The following KIAA0319 variants were observed in gnomAD, a reference collection of about 807,000 sequenced individuals.
The protein encoded by KIAA0319 is dyslexia-associated protein KIAA0319.
In KIAA0319, 83 loss-of-function variants were observed where a neutral mutation model predicts 108.4. The observed-to-expected ratio is 0.77, with a 90% CI of 0.64 to 0.92. KIAA0319 has a LOEUF of 0.92. Ranked by LOEUF, KIAA0319 falls within the 40% of genes least tolerant of loss-of-function variation. KIAA0319 has a pLI of 0.00. For synonymous variants in KIAA0319, 484 were observed against 510.4 expected, an observed-to-expected ratio of 0.95 and a Z score of 0.70; for missense variants, 1,195 against 1,322.4, an observed-to-expected ratio of 0.90 and a Z score of 1.49.
chr6:24,608,534 A>G (rs1360289833), intron 1 of KIAA0319, among the ~76,000 whole-genome samples: 1 of 152,216 alleles, frequency 6.6e-6, no homozygotes, highest in Non-Finnish European at 1.5e-5. Flanking sequence ...ATTTTTAAAA[A>G]TCATTAAAAG....
In KIAA0319 at chr6:24,579,923, G is replaced by A. The variant is rs1177307245; in HGVS notation, c.1307C>T (p.Ala436Val). 1 of 1,597,716 alleles carries A rather than the reference G, an allele frequency of 6.3e-7. No individual in the cohort carries two copies. The highest frequency in any genetic ancestry group is 1.7e-5 in the Admixed American group (1 of 58,286). Residue 436 changes from alanine to valine, a missense_variant, in exon 8 of 21, where the codon GCA becomes GTA. Transcript: ENST00000378214. ...CTCTTGCAGTTGGGGAGAAACAACT[G>A]CTACAGGTGGCAGGTTGACTCTTCT... The part of the protein sequence containing the change: ...PARRVNLPPV[A>V]VVSPQLQELT...
downstream of KIAA0319, among the ~76,000 whole-genome samples, chr6:24,542,122 C>T (rs1561885653): frequency 6.6e-6 from 1 of 152,132 alleles, no homozygotes; most frequent in Non-Finnish European, 1.5e-5. Flanking sequence ...GCCTGAGCAA[C>T]AGAGCAAGAC....
In KIAA0319 at chr6:24,599,467, A is replaced by G; in HGVS notation, c.55+1582T>C. ...ATGCAGGACATGGCATGGCAGCTGCATGAGTACCAGGAGCTGATGATCATC... is the reference window on the plus strand; with the variant it reads ...ATGCAGGACATGGCATGGCAGCTGCGTGAGTACCAGGAGCTGATGATCATC... On this transcript the variant is annotated intron_variant, in intron 2 of 20. Coordinates refer to ENST00000378214, the MANE Select transcript of KIAA0319 (RefSeq NM_014809.4). The surrounding 1 kb of genome is among the most constrained non-coding windows in gnomAD (Gnocchi z 4.1). The G allele has an allele frequency of 1.8e-6, 1 of 556,662 alleles. No homozygotes were observed. Among genetic ancestry groups the G allele is most frequent in the Non-Finnish European group, 3.5e-6 (1 of 289,770 alleles). The allele number at this position is 556,662 out of a possible 1,614,324, so 34.5% of individuals were successfully genotyped here.
At chr6:24,552,773 T>G (rs1380826856) in intron 19 of KIAA0319, among the ~76,000 whole-genome samples, 1 of 152,146 alleles carries the variant, frequency 6.6e-6, no homozygotes, top group Non-Finnish European at 1.5e-5. Flanking sequence ...GCCCAGCTAA[T>G]TTTGTATTTT....
intron 1 of KIAA0319, among the ~76,000 whole-genome samples, chr6:24,628,051 A>T (rs907647425): frequency 6.6e-6 from 1 of 152,204 alleles, no homozygotes; most frequent in Admixed American, 6.5e-5. Flanking sequence ...TCCAGGTTTT[A>T]TATTATTTCA....
Position 24,595,546 on chromosome 6 carries a change from C to CAAAAAA in KIAA0319, c.801+321_801+326dup, listed in dbSNP as rs60291863. Among the ~76,000 whole-genome samples, 112 of 43,210 alleles carry CAAAAAA rather than the reference C, an allele frequency of 2.6e-3. 7 individuals carry two copies. Among genetic ancestry groups the CAAAAAA allele is most frequent in the African/African-American group, 3.8e-3 (44 of 11,660 alleles). 28.3% of individuals were successfully genotyped at this position (43,210 alleles called of 152,430 possible). Reference sequence around the variant, plus strand: ...TGGGCGACAGAGCGAGATTCAATCTCAAAAAAAAAAAAAAAAAAAAAAAAC... The same window carrying CAAAAAA: ...TGGGCGACAGAGCGAGATTCAATCTCAAAAAAAAAAAAAAAAAAAAAAAAAAAAAAC... On this transcript the variant is annotated intron_variant, in intron 3 of 20. Coordinates refer to ENST00000378214, the MANE Select transcript of KIAA0319 (RefSeq NM_014809.4).
At chr6:24,551,347 G>A (rs762691823) in intron 20 of KIAA0319, 87 bp downstream of exon 20, 17 of 881,080 alleles carry the variant, frequency 1.9e-5, no homozygotes, top group East Asian at 4.8e-5. Context: ...CCAGCAAATC[G>A]TTCTCCCTCT....
At chr6:24,635,968 T>C (rs1416852680) in intron 1 of KIAA0319, among the ~76,000 whole-genome samples, 3 of 152,188 alleles carry the variant, frequency 2.0e-5, no homozygotes, top group Admixed American at 6.6e-5. Flanking sequence ...CACTGCAGCC[T>C]AGAACGACTA....
At chr6:24,631,417 T>G (rs1775567998) in intron 1 of KIAA0319, among the ~76,000 whole-genome samples, 1 of 152,174 alleles carries the variant, frequency 6.6e-6, no homozygotes, top group African/African-American at 2.4e-5. Context: ...GAGCAATAGG[T>G]GGCATGTAGT....
In KIAA0319 at chr6:24,576,350, G is replaced by C. The variant is rs746888658; in HGVS notation, c.1734+18C>G. ...CAGACAGACAGACAAAAGTCTGAAGGCAGGATGGAGAACTTGCCTGCATGA... is the reference window on the plus strand; with the variant it reads ...CAGACAGACAGACAAAAGTCTGAAGCCAGGATGGAGAACTTGCCTGCATGA... On this transcript the variant is annotated intron_variant, in intron 10 of 20. Coordinates refer to ENST00000378214, the MANE Select transcript of KIAA0319 (RefSeq NM_014809.4). 1.3e-6 allele frequency: 2 copies of C among 1,598,854 alleles called. No homozygotes were observed. The highest frequency in any genetic ancestry group is 2.2e-5 in the South Asian group (2 of 90,784).
intron 1 of KIAA0319, among the ~76,000 whole-genome samples, chr6:24,619,719 T>C (rs1448666027): frequency 3.3e-5 from 5 of 152,176 alleles, no homozygotes; most frequent in Non-Finnish European, 7.3e-5. Context: ...GGAAATGGCC[T>C]ATTTTCAAAA....
At chr6:24,593,386 C>CTT (rs58826962) in intron 3 of KIAA0319, among the ~76,000 whole-genome samples, 477 of 79,340 alleles carry the variant, frequency 6.0e-3, no homozygotes, top group East Asian at 9.5e-3. Context: ...GAATAATTAT[C>CTT]TTTTTTTTTT....
chr6:24,597,744 C>T (rs1031469483), intron 2 of KIAA0319, among the ~76,000 whole-genome samples: 1 of 151,640 alleles, frequency 6.6e-6, no homozygotes, highest in African/African-American at 2.4e-5. Context: ...ACTGGTTAGC[C>T]TTTACAAAGG....
intron 1 of KIAA0319, among the ~76,000 whole-genome samples, chr6:24,605,735 G>T (rs940304192): frequency 6.6e-6 from 1 of 152,064 alleles, no homozygotes; most frequent in African/African-American, 2.4e-5. Flanking sequence ...GAAAACTGGT[G>T]AGAATAATAT....
intron 1 of KIAA0319, among the ~76,000 whole-genome samples, chr6:24,639,460 T>C (rs1479229372): frequency 1.3e-5 from 2 of 152,258 alleles, no homozygotes; most frequent in African/African-American, 4.8e-5. Context: ...AAGGTTCTTT[T>C]AAGATAAAGA....
rs772776096 is a variant in KIAA0319 at position 24,583,683 on chromosome 6, C to A, written c.1014G>T (p.Ser338=). 1 of 1,612,128 alleles carries A rather than the reference C, an allele frequency of 6.2e-7. No homozygotes were observed. Among genetic ancestry groups the A allele is most frequent in the Non-Finnish European group, 8.5e-7 (1 of 1,178,506 alleles). ...AAGTTATAATTAGGTTATCTCCAGC[C>A]GATACCGTAAGTTCTTTCACTAAAA... ...APRTVKELTV[S]AGDNLIITLP... The change falls in exon 5 of 21, where the codon TCG becomes TCT. Residue 338 remains serine (S), a synonymous_variant. Transcript: ENST00000378214.
At position 24,608,787 on chromosome 6, in the gene KIAA0319, C is replaced by T. The variant is rs184580775; in HGVS notation, c.-105-7579G>A. On this transcript the variant is annotated intron_variant, in intron 1 of 20. Transcript: ENST00000378214. ...CTACTAAAAATACAAAAAAATTAGT[C>T]GGGCATGGTGGCAGGCACCTGTAGT... 9.2e-5 allele frequency among the ~76,000 whole-genome samples: 14 copies of T among 151,588 alleles called. No homozygotes were observed. The East Asian group carries it at 2.7e-3, about 30-fold the overall frequency.
intron 20 of KIAA0319, among the ~76,000 whole-genome samples, chr6:24,547,831 A>G (rs550757328): frequency 1.4e-4 from 22 of 152,352 alleles, no homozygotes; most frequent in African/African-American, 5.3e-4. Flanking sequence ...ATAAGATTCA[A>G]TTCCTACTCT....
chr6:24,560,115 C>A (rs807543), intron 16 of KIAA0319, among the ~76,000 whole-genome samples: 1 of 151,970 alleles, frequency 6.6e-6, no homozygotes, highest in African/African-American at 2.4e-5. Flanking sequence ...CTGGTGGACA[C>A]TTGAGTTGCT....
Sources: allele counts gnomAD v4.1 joint callset (sites outside exome capture counted in the v4.1 genomes callset), GRCh38; gene constraint gnomAD v4.1.1; non-coding constraint Gnocchi (gnomAD v3.1); transcripts MANE v1.5; gene names NCBI Gene and HGNC (gene_info 2026-07-23, HGNC 2026-07-21).